The following ITPK1 variants were observed in gnomAD, a reference collection of about 807,000 sequenced individuals.
ITPK1 encodes the protein inositol 1,3,4-trisphosphate 5/6-kinase.
In ITPK1, 21 loss-of-function variants were observed where a neutral mutation model predicts 45.3. The ratio of observed to expected loss-of-function variants is 0.46; its 90% CI spans 0.33 to 0.67. The LOEUF (loss-of-function observed/expected upper bound fraction) is 0.67, where lower values mean the gene tolerates loss of function less well. Among genes scored for constraint, ITPK1 ranks in the 30% least tolerant of loss-of-function variants. ITPK1 has a pLI of 0.02. For synonymous variants in ITPK1, 258 were observed against 253.6 expected (o/e 1.02, Z -0.16); for missense variants, 474 against 573.5 (o/e 0.83, Z 1.77).
intron 5 of ITPK1, among the ~76,000 whole-genome samples, chr14:92,988,278 G>A (rs1336443246): frequency 6.6e-6 from 1 of 152,178 alleles, no homozygotes; most frequent in African/African-American, 2.4e-5. Context: ...ATGGGCAGGT[G>A]CACACCAAGG....
At chr14:93,085,298 G>C (rs1891603025) in intron 2 of ITPK1, among the ~76,000 whole-genome samples, 1 of 152,214 alleles carries the variant, frequency 6.6e-6, no homozygotes. Context: ...CTTTTTTATT[G>C]AGTGGGGGCA....
intron 4 of ITPK1, among the ~76,000 whole-genome samples, chr14:93,013,208 T>C (rs1466141391): frequency 6.6e-6 from 1 of 152,178 alleles, no homozygotes; most frequent in Non-Finnish European, 1.5e-5. Context: ...CACATGAACC[T>C]TGGAGCAGAA....
chr14:93,076,539 G>T lies in ITPK1; in HGVS notation c.120+56C>A. ...GGAGGAGAGAAGGAGAGACAGAGAG[G>T]TGGGCACCAAGGGCCCCACTACCCA... On this transcript the variant is annotated intron_variant, in intron 3 of 10. Transcript: ENST00000267615. This position sits in a 1 kb window ranked among gnomAD's most constrained non-coding sequence, Gnocchi z 4.3. 1.3e-5 allele frequency: 20 copies of T among 1,589,034 alleles called. No homozygotes were observed. Among genetic ancestry groups the T allele is most frequent in the Non-Finnish European group, 1.7e-5 (20 of 1,157,338 alleles).
Position 92,937,055 on chromosome 14 carries a change from A to C in ITPK1, c.*4506T>G, listed in dbSNP as rs1472462471. ...CAAAACAAGACTAGTTAGCAAATAC[A>C]GAGATCATAGCGACACCTTGTCCCT... On this transcript the variant is annotated 3_prime_UTR_variant, in exon 11 of 11. Transcript: ENST00000267615. The C allele has an allele frequency of 6.6e-6, 1 of 152,286 alleles. No individual in the cohort carries two copies. Among genetic ancestry groups the C allele is most frequent in the Non-Finnish European group, 1.5e-5 (1 of 68,074 alleles). The allele number at this position is 152,286 out of a possible 1,614,324, so 9.4% of individuals were successfully genotyped here.
chr14:93,080,034 C>A (rs1202239127), intron 2 of ITPK1, among the ~76,000 whole-genome samples: 1 of 152,190 alleles, frequency 6.6e-6, no homozygotes, highest in Non-Finnish European at 1.5e-5. Flanking sequence ...ATTAACAAAC[C>A]ACACACAGTC....
At chr14:93,065,129 C>T (rs1890692989) in intron 3 of ITPK1, among the ~76,000 whole-genome samples, 1 of 152,212 alleles carries the variant, frequency 6.6e-6, no homozygotes, top group East Asian at 1.9e-4. Flanking sequence ...AGAGCAAAAT[C>T]TGCTCTAACC....
chr14:93,088,152 C>A (rs533276337), intron 2 of ITPK1, among the ~76,000 whole-genome samples: 26 of 152,278 alleles, frequency 1.7e-4, no homozygotes, highest in Admixed American at 1.7e-3. Flanking sequence ...GAGGCTAACA[C>A]CAGTAATCCC....
intron 2 of ITPK1, among the ~76,000 whole-genome samples, chr14:93,108,617 A>T (rs939913369): frequency 6.6e-6 from 1 of 152,222 alleles, no homozygotes; most frequent in African/African-American, 2.4e-5. Flanking sequence ...TCACCCACAG[A>T]TTTGTCCCGG....
chr14:93,013,626 G>T (rs1424337936), intron 4 of ITPK1, among the ~76,000 whole-genome samples: 1 of 152,178 alleles, frequency 6.6e-6, no homozygotes, highest in Non-Finnish European at 1.5e-5. Context: ...GTCCCTGCTG[G>T]GGCAAAGCAT....
At chr14:93,026,954 C>T (rs1268413407) in intron 3 of ITPK1, among the ~76,000 whole-genome samples, 2 of 152,222 alleles carry the variant, frequency 1.3e-5, no homozygotes, top group East Asian at 3.8e-4. Flanking sequence ...AGTGCAGTAT[C>T]AACTGAATTG....
intron 8 of ITPK1, among the ~76,000 whole-genome samples, chr14:92,957,117 C>T (rs56287152): frequency 0.14 from 21,421 of 152,286 alleles, 1,884 homozygotes; most frequent in African/African-American, 0.25. Context: ...CCATGCCGGG[C>T]GGCACACCAG....
chr14:92,968,426 T>C (rs373277117), intron 5 of ITPK1, among the ~76,000 whole-genome samples: 1 of 152,182 alleles, frequency 6.6e-6, no homozygotes, highest in African/African-American at 2.4e-5. Flanking sequence ...TCCAGAGTGC[T>C]TGCCCTCTGC....
chr14:93,065,608 C>CT (rs1890713266), intron 3 of ITPK1, among the ~76,000 whole-genome samples: 4 of 152,214 alleles, frequency 2.6e-5, no homozygotes, highest in African/African-American at 9.7e-5. Context: ...ACACAGCTGA[C>CT]TAGCTGCAGC....
At chr14:92,961,477 T>G (rs1566698968) in intron 7 of ITPK1, among the ~76,000 whole-genome samples, 1 of 152,168 alleles carries the variant, frequency 6.6e-6, no homozygotes, top group Non-Finnish European at 1.5e-5. Flanking sequence ...TGACTCATGA[T>G]TCAAAGCATT....
At chr14:93,052,663 T>C (rs890400556) in intron 3 of ITPK1, among the ~76,000 whole-genome samples, 2 of 152,142 alleles carry the variant, frequency 1.3e-5, no homozygotes, top group African/African-American at 4.8e-5. Flanking sequence ...TCACCGGCCT[T>C]CTGGCTCACT....
rs1353623629 is a variant in ITPK1 at position 92,940,554 on chromosome 14, G to C, written c.*1007C>G. On this transcript the variant is annotated 3_prime_UTR_variant, in exon 11 of 11. Coordinates refer to ENST00000267615, the MANE Select transcript of ITPK1 (RefSeq NM_014216.6). ...AGGGACCCAGCAGGTGTGAAAAGGA[G>C]TGAACCCACTGGGAAGAGGGCCCCG... is the stretch of plus-strand genomic sequence containing the variant. 2.5e-6 allele frequency: 3 copies of C among 1,181,710 alleles called. No individual in the cohort carries two copies. The highest frequency in any genetic ancestry group is 1.6e-5 in the African/African-American group (1 of 62,106). 73.2% of individuals were successfully genotyped at this position (1,181,710 alleles called of 1,614,324 possible).
At chr14:92,962,142 A>T (rs1040577774) in intron 7 of ITPK1, among the ~76,000 whole-genome samples, 1 of 152,222 alleles carries the variant, frequency 6.6e-6, no homozygotes, top group Non-Finnish European at 1.5e-5. Context: ...CAGGACAGGC[A>T]TTGAGGTGAG....
intron 4 of ITPK1, 65 bp from the exon 5 acceptor site, chr14:92,994,062 C>T (rs371139984): frequency 1.2e-4 from 121 of 1,023,842 alleles, no homozygotes; most frequent in Non-Finnish European, 1.4e-4. Flanking sequence ...TCACCCCTCG[C>T]GCCCTCTGCA....
At chr14:92,975,264 A>G (rs1342779366) in intron 5 of ITPK1, among the ~76,000 whole-genome samples, 1 of 152,204 alleles carries the variant, frequency 6.6e-6, no homozygotes, top group Admixed American at 6.5e-5. Context: ...TCGGTTTCTC[A>G]ATCAAGCTCC....
Sources: allele counts gnomAD v4.1 joint callset (sites outside exome capture counted in the v4.1 genomes callset), GRCh38; gene constraint gnomAD v4.1.1; non-coding constraint Gnocchi (gnomAD v3.1); transcripts MANE v1.5; gene names NCBI Gene and HGNC (gene_info 2026-07-23, HGNC 2026-07-21).